The following TRPC7 variants were observed in gnomAD, a reference collection of about 807,000 sequenced individuals.
The protein encoded by TRPC7 is transient receptor potential cation channel subfamily C member 7.
TRPC7 carries 42 observed loss-of-function variants against 90.1 expected under a neutral mutation model. That is an observed-to-expected ratio of 0.47 (90% CI 0.36 to 0.60). TRPC7 has a LOEUF of 0.60. TRPC7 is among the 20% of genes least tolerant of loss of function. The probability of loss-of-function intolerance (pLI) is 0.00; values close to 1 mark genes in which losing one functional copy is unlikely to be tolerated. For synonymous variants in TRPC7, 451 were observed against 436.3 expected, an observed-to-expected ratio of 1.03 and a Z score of -0.42; for missense variants, 955 against 1,112.3, an observed-to-expected ratio of 0.86 and a Z score of 2.01.
At position 136,266,071 on chromosome 5, in the gene TRPC7, T is replaced by G. The variant is rs79093446; in HGVS notation, c.1345+149A>C. On this transcript the variant is annotated intron_variant, in intron 5 of 11. Transcript: ENST00000513104. ...GGTCTGTGTATCTTAAAGACAGAAGTTGACTCTGACTTTCTTGTTGGTCAT... is the reference window on the plus strand; with the variant it reads ...GGTCTGTGTATCTTAAAGACAGAAGGTGACTCTGACTTTCTTGTTGGTCAT... 2,875 of 716,748 alleles carry G rather than the reference T, an allele frequency of 4.0e-3. 65 individuals carry two copies. The African/African-American group carries it at 0.044, about 11-fold the overall frequency. 44.4% of individuals were successfully genotyped at this position (716,748 alleles called of 1,614,324 possible).
chr5:136,319,812 C>CT lies in TRPC7; in HGVS notation c.781-4034dup, dbSNP rs199832787. Among the ~76,000 whole-genome samples the CT allele has an allele frequency of 1.4e-4, 22 of 152,230 alleles. No individual in the cohort carries two copies. The East Asian group carries it at 4.1e-3, about 28-fold the overall frequency. ...GAATAACATACTCTTCTGTCTTTAT[C>CT]TTTTTTCTGAATGACTACTTTTTGC... On this transcript the variant is annotated intron_variant, in intron 2 of 11. Coordinates refer to ENST00000513104, the MANE Select transcript of TRPC7 (RefSeq NM_020389.3).
At chr5:136,255,199 G>A (rs188818152) in intron 5 of TRPC7, among the ~76,000 whole-genome samples, 168 of 152,326 alleles carry the variant, frequency 1.1e-3, no homozygotes, top group Non-Finnish European at 1.0e-4. Flanking sequence ...AGGCTTGAGG[G>A]TATTGAGTTT....
intron 3 of TRPC7, among the ~76,000 whole-genome samples, chr5:136,297,403 A>G (rs1485172080): frequency 6.6e-6 from 1 of 152,182 alleles, no homozygotes; most frequent in Non-Finnish European, 1.5e-5. Flanking sequence ...TCAGGCAATG[A>G]GGCATCTGAT....
At chr5:136,292,931 A>G (rs1758015108) in intron 3 of TRPC7, among the ~76,000 whole-genome samples, 1 of 152,238 alleles carries the variant, frequency 6.6e-6, no homozygotes, top group Non-Finnish European at 1.5e-5. Flanking sequence ...CAACACATCA[A>G]AAAGCTTATC....
At chr5:136,341,707 T>C (rs116734394) in intron 2 of TRPC7, among the ~76,000 whole-genome samples, 5,892 of 152,260 alleles carry the variant, frequency 0.039, 150 homozygotes, top group Middle Eastern at 0.058. Context: ...TATCCCTTAT[T>C]CCTGTACAAC....
Position 136,247,460 on chromosome 5 carries a change from C to G in TRPC7, c.1844+11G>C. 6.2e-7 allele frequency: 1 copy of G among 1,601,300 alleles called. No individual in the cohort carries two copies. Among genetic ancestry groups the G allele is most frequent in the Non-Finnish European group, 8.5e-7 (1 of 1,172,158 alleles). ...AGGGAGAACCTCAGGGGAAAGCTCT[C>G]AGATACTCACGTTGTAAACGCTGGG... On this transcript the variant is annotated intron_variant, in intron 7 of 11. Transcript: ENST00000513104. This position sits in a 1 kb window ranked among gnomAD's most constrained non-coding sequence, Gnocchi z 4.2.
chr5:136,307,335 C>T (rs1758671602), intron 3 of TRPC7, among the ~76,000 whole-genome samples: 1 of 152,164 alleles, frequency 6.6e-6, no homozygotes, highest in South Asian at 2.1e-4. Flanking sequence ...ATTCTACTCT[C>T]TACTTCCATG....
chr5:136,226,504 C>A, intron 8 of TRPC7: 1 of 511,762 alleles, frequency 2.0e-6, no homozygotes, highest in Non-Finnish European at 3.4e-6. Context: ...TATTAACCGC[C>A]CCTACCCTCC....
chr5:136,307,651 G>C (rs1370407418), intron 3 of TRPC7, among the ~76,000 whole-genome samples: 1 of 152,322 alleles, frequency 6.6e-6, no homozygotes, highest in East Asian at 1.9e-4. Flanking sequence ...GACAGTGTCT[G>C]GAGACGTTTT....
intron 2 of TRPC7, among the ~76,000 whole-genome samples, chr5:136,340,634 C>T (rs1759816634): frequency 6.6e-6 from 1 of 151,662 alleles, no homozygotes; most frequent in Non-Finnish European, 1.5e-5. Context: ...ATCCATAAGC[C>T]AAACTGAAAA....
intron 6 of TRPC7, among the ~76,000 whole-genome samples, chr5:136,249,483 G>A (rs566169075): frequency 6.6e-6 from 1 of 152,108 alleles, no homozygotes; most frequent in African/African-American, 2.4e-5. Flanking sequence ...TAAATATTTG[G>A]ATAAGATAAA....
At chr5:136,338,442 A>T (rs1759736151) in intron 2 of TRPC7, among the ~76,000 whole-genome samples, 1 of 152,220 alleles carries the variant, frequency 6.6e-6, no homozygotes, top group Non-Finnish European at 1.5e-5. Context: ...TATAGGGAGT[A>T]TGAAAAAGTA....
intron 3 of TRPC7, among the ~76,000 whole-genome samples, chr5:136,292,602 T>G (rs1462993386): frequency 6.6e-6 from 1 of 152,142 alleles, no homozygotes; most frequent in Non-Finnish European, 1.5e-5. Flanking sequence ...AGGAAGAAGC[T>G]GAATCTCTGA....
intron 7 of TRPC7, among the ~76,000 whole-genome samples, chr5:136,235,516 GTATTGGAGCTGGCTC>G (rs1755954730): frequency 6.6e-6 from 1 of 152,140 alleles, no homozygotes; most frequent in Non-Finnish European, 1.5e-5. Context: ...AAGGGCTCAG[GTATTGGAGCTGGCTC>G]TAATGCCCCA....
At chr5:136,334,100 C>T (rs1219881356) in intron 2 of TRPC7, among the ~76,000 whole-genome samples, 1 of 152,030 alleles carries the variant, frequency 6.6e-6, no homozygotes. Flanking sequence ...TGAATGTGAC[C>T]TATGCATCTT....
intron 3 of TRPC7, among the ~76,000 whole-genome samples, chr5:136,279,264 T>A (rs1303086920): frequency 6.6e-6 from 1 of 152,212 alleles, no homozygotes; most frequent in Non-Finnish European, 1.5e-5. Flanking sequence ...CTCTGAGAAC[T>A]GTGCCTGTGA....
chr5:136,356,915 C>A lies in TRPC7; in HGVS notation c.473G>T (p.Gly158Val), dbSNP rs1760399826. The change falls in exon 2 of 12, where the codon GGC becomes GTC. Residue 158 changes from glycine to valine, a missense_variant. Transcript: ENST00000513104. ...DDDFYAYDED[G>V]TRFSHDITPI... ...CGTGATGTCGTGGGAGAAGCGCGTGCCGTCCTCGTCGTAGGCATAGAAGTC... is the reference window on the plus strand; with the variant it reads ...CGTGATGTCGTGGGAGAAGCGCGTGACGTCCTCGTCGTAGGCATAGAAGTC... 1.2e-6 allele frequency: 2 copies of A among 1,613,560 alleles called. No individual in the cohort carries two copies. The highest frequency in any genetic ancestry group is 3.3e-5 in the Admixed American group (2 of 60,006).
intron 5 of TRPC7, among the ~76,000 whole-genome samples, chr5:136,263,291 A>G (rs1756916767): frequency 6.6e-6 from 1 of 152,198 alleles, no homozygotes. Flanking sequence ...ATCCACTGTG[A>G]GAAAGCTTTA....
In TRPC7 at chr5:136,219,220, A is replaced by G. The variant is rs140375648; in HGVS notation, c.2344-2945T>C. 4.0e-3 allele frequency among the ~76,000 whole-genome samples: 603 copies of G among 152,180 alleles called. 4 individuals carry two copies. Among genetic ancestry groups the G allele is most frequent in the African/African-American group, 0.013 (548 of 41,524 alleles). On this transcript the variant is annotated intron_variant, in intron 10 of 11. Transcript: ENST00000513104. Reference sequence around the variant, plus strand: ...GCACTGGCAGGAATGCTCATGGCCCACTCTTGAGCACTGGCATGCTCGATC... The same window carrying G: ...GCACTGGCAGGAATGCTCATGGCCCGCTCTTGAGCACTGGCATGCTCGATC...
Sources: gnomAD v4.1 joint callset for allele counts (sites outside exome capture counted in the v4.1 genomes callset) on GRCh38, gnomAD v4.1.1 for gene constraint, Gnocchi (gnomAD v3.1) non-coding constraint, MANE v1.5 for transcripts, NCBI Gene and HGNC (gene_info 2026-07-23, HGNC 2026-07-21) for gene names.